The following SHOC2 variants were observed in gnomAD, a reference collection of about 807,000 sequenced individuals.
The protein encoded by SHOC2 is leucine-rich repeat protein SHOC-2.
In SHOC2, 4 loss-of-function variants were observed where a neutral mutation model predicts 50.2. The ratio of observed to expected loss-of-function variants is 0.08; its 90% CI spans 0.04 to 0.18. SHOC2 has a LOEUF of 0.18. Among genes scored for constraint, SHOC2 ranks in the 10% least tolerant of loss-of-function variants. The pLI, the probability that SHOC2 is intolerant of heterozygous loss-of-function variation, is 1.00. For missense variants in SHOC2, 388 were observed against 669.6 expected, an observed-to-expected ratio of 0.58 and a Z score of 4.64; for synonymous variants, 218 against 244.5, an observed-to-expected ratio of 0.89 and a Z score of 1.01.
At chr10:110,977,121 C>T (rs1047801586) in intron 2 of SHOC2, among the ~76,000 whole-genome samples, 17 of 152,092 alleles carry the variant, frequency 1.1e-4, no homozygotes, top group African/African-American at 4.1e-4. Flanking sequence ...TTACCTTGAA[C>T]ATATGGAGCT....
intron 1 of SHOC2, among the ~76,000 whole-genome samples, chr10:110,941,854 G>T (rs538573197): frequency 1.3e-5 from 2 of 152,028 alleles, no homozygotes; most frequent in East Asian, 3.9e-4. Flanking sequence ...AGACTTTCTT[G>T]TATGTTTTCT....
chr10:111,012,198 C>G lies in SHOC2; in HGVS notation c.*380C>G, dbSNP rs975712602. Reference sequence around the variant, plus strand: ...TTGCAACTTTTCATATATATTTTCCCCTTACCAATTGTTTTATCCTTATAG... The same window carrying G: ...TTGCAACTTTTCATATATATTTTCCGCTTACCAATTGTTTTATCCTTATAG... On this transcript the variant is annotated 3_prime_UTR_variant, in exon 9 of 9. Coordinates refer to ENST00000369452, the MANE Select transcript of SHOC2 (RefSeq NM_007373.4). 1 of 219,660 alleles carries G rather than the reference C, an allele frequency of 4.6e-6. No individual in the cohort carries two copies. The highest frequency in any genetic ancestry group is 2.4e-5 in the African/African-American group (1 of 42,298). 13.6% of individuals were successfully genotyped at this position (219,660 alleles called of 1,614,324 possible).
At position 110,965,536 on chromosome 10, in the gene SHOC2, G is replaced by A. The variant is rs535342369; in HGVS notation, c.703+475G>A. On this transcript the variant is annotated intron_variant, in intron 2 of 8. Coordinates refer to ENST00000369452, the MANE Select transcript of SHOC2 (RefSeq NM_007373.4). ...TGACAAATCAGAGCCTTACAAAAGAGCAGTGTCATAAGAAATAGAAAAAAA... is the reference window on the plus strand; with the variant it reads ...TGACAAATCAGAGCCTTACAAAAGAACAGTGTCATAAGAAATAGAAAAAAA... Among the ~76,000 whole-genome samples the A allele has an allele frequency of 1.1e-4, 17 of 152,116 alleles. No homozygotes were observed. The South Asian group carries it at 3.5e-3, about 32-fold the overall frequency.
intron 3 of SHOC2, among the ~76,000 whole-genome samples, chr10:110,994,095 G>A (rs1027953977): frequency 2.6e-5 from 4 of 152,020 alleles, no homozygotes; most frequent in Admixed American, 2.6e-4. Context: ...AAAAGGGATG[G>A]TCTTGTTTAC....
intron 1 of SHOC2, among the ~76,000 whole-genome samples, chr10:110,962,677 T>G (rs1053283520): frequency 6.6e-6 from 1 of 152,184 alleles, no homozygotes; most frequent in Non-Finnish European, 1.5e-5. Context: ...ACATTTTCAG[T>G]GTCCCGTGCA....
At chr10:110,945,421 A>G (rs1847228670) in intron 1 of SHOC2, among the ~76,000 whole-genome samples, 1 of 152,184 alleles carries the variant, frequency 6.6e-6, no homozygotes, top group Non-Finnish European at 1.5e-5. Context: ...AAGGGATGGG[A>G]CTAGGGCAAG....
intron 3 of SHOC2, among the ~76,000 whole-genome samples, chr10:110,999,355 T>C (rs1219879760): frequency 6.6e-6 from 1 of 152,206 alleles, no homozygotes; most frequent in African/African-American, 2.4e-5. Context: ...GAATTGAATT[T>C]GAGTTGAACC....
chr10:110,940,433 A>G (rs1372893619), intron 1 of SHOC2, among the ~76,000 whole-genome samples: 11 of 152,192 alleles, frequency 7.2e-5, no homozygotes, highest in Admixed American at 5.2e-4. Context: ...GTTAGGTTCA[A>G]AAGTCAGCAT....
intron 1 of SHOC2, among the ~76,000 whole-genome samples, chr10:110,963,617 G>T (rs1847615423): frequency 6.6e-6 from 1 of 152,068 alleles, no homozygotes; most frequent in African/African-American, 2.4e-5. Context: ...TAGTGTAGTG[G>T]GTTAGGAACA....
intron 2 of SHOC2, among the ~76,000 whole-genome samples, chr10:110,975,997 G>A (rs1480919697): frequency 6.6e-6 from 1 of 151,732 alleles, no homozygotes; most frequent in East Asian, 1.9e-4. Context: ...TGCAACCTCT[G>A]CCTCACGGGT....
Position 110,964,827 on chromosome 10 carries a change from T to G in SHOC2, c.469T>G (p.Ser157Ala). 6.2e-7 allele frequency: 1 copy of G among 1,614,122 alleles called. No homozygotes were observed. The highest frequency in any genetic ancestry group is 1.3e-5 in the African/African-American group (1 of 75,040). Residue 157 changes from serine (S) to alanine (A), a missense_variant, in exon 2 of 9, where the codon TCA (serine) becomes GCA (alanine). Around this residue, in one of 5 missense-constraint regions of SHOC2, gnomAD observed 88 missense variants for 147.2 expected, o/e 0.60. Coordinates refer to ENST00000369452, the MANE Select transcript of SHOC2 (RefSeq NM_007373.4). The surrounding 1 kb of genome is among the most constrained non-coding windows in gnomAD (Gnocchi z 4.9). ...NLMTLALSENSLTSLPDSLDN... is the reference protein window; with the variant it reads ...NLMTLALSENALTSLPDSLDN... Reference sequence around the variant, plus strand: ...CATGACACTGGCTCTAAGTGAAAATTCACTTACCAGTTTGCCTGACTCTCT... The same window carrying G: ...CATGACACTGGCTCTAAGTGAAAATGCACTTACCAGTTTGCCTGACTCTCT...
At chr10:110,945,649 A>T (rs1257097973) in intron 1 of SHOC2, among the ~76,000 whole-genome samples, 1 of 152,072 alleles carries the variant, frequency 6.6e-6, no homozygotes, top group African/African-American at 2.4e-5. Context: ...CCACACTGAC[A>T]GACCTCCATG....
At chr10:110,936,166 G>C (rs891310703) in intron 1 of SHOC2, among the ~76,000 whole-genome samples, 1 of 148,254 alleles carries the variant, frequency 6.7e-6, no homozygotes, top group Non-Finnish European at 1.5e-5. Context: ...GCGCGATCTC[G>C]GCTCACTGCA....
At chr10:110,920,039 G>T (rs1846590074) in intron 1 of SHOC2, 1 of 149,770 alleles carries the variant, frequency 6.7e-6, no homozygotes, top group Non-Finnish European at 1.5e-5. Flanking sequence ...GCCCCCGGCG[G>T]ACAGTCTCTC....
intron 5 of SHOC2, among the ~76,000 whole-genome samples, chr10:111,006,516 G>A (rs1029272864): frequency 1.1e-4 from 17 of 151,372 alleles, no homozygotes; most frequent in South Asian, 2.1e-4. Flanking sequence ...GACTACAGGC[G>A]CCCGCCACTA....
intron 1 of SHOC2, among the ~76,000 whole-genome samples, chr10:110,943,636 G>A (rs1847193564): frequency 6.6e-6 from 1 of 152,160 alleles, no homozygotes; most frequent in Admixed American, 6.5e-5. Context: ...CAACTCCAGG[G>A]CGTGATCAAT....
chr10:111,001,457 TA>T (rs1848373721), intron 4 of SHOC2, among the ~76,000 whole-genome samples: 1 of 151,916 alleles, frequency 6.6e-6, no homozygotes, highest in Non-Finnish European at 1.5e-5. Context: ...AGCCAGCCAA[TA>T]TAATACTCTT....
rs111438103 is a variant in SHOC2, at chr10:110,937,031, C to T, written c.-235+17374C>T. 605 of 1,482,920 alleles carry T rather than the reference C, an allele frequency of 4.1e-4. 2 individuals are homozygous for T. Among genetic ancestry groups the T allele is most frequent in the Non-Finnish European group, 4.9e-4 (518 of 1,062,492 alleles). 91.9% of individuals were successfully genotyped at this position (1,482,920 alleles called of 1,614,324 possible). ...GGGGGCCCGGAAGTGGTAGGGGCGT[C>T]GGAAAGGGTTGGTGTTCATCCGCTT... On this transcript the variant is annotated intron_variant, in intron 1 of 8. Coordinates refer to ENST00000369452, the MANE Select transcript of SHOC2 (RefSeq NM_007373.4).
intron 1 of SHOC2, among the ~76,000 whole-genome samples, chr10:110,957,540 C>T (rs576757756): frequency 2.0e-5 from 3 of 150,744 alleles, no homozygotes; most frequent in Non-Finnish European, 4.4e-5. Context: ...ATACCCCCCC[C>T]CCAGCCCACA....
Sources: allele counts gnomAD v4.1 joint callset (sites outside exome capture counted in the v4.1 genomes callset), GRCh38; gene constraint gnomAD v4.1.1; regional missense constraint gnomAD v4.1.1; non-coding constraint Gnocchi (gnomAD v3.1); transcripts MANE v1.5; gene names NCBI Gene and HGNC (gene_info 2026-07-23, HGNC 2026-07-21).